Variants in KRT39 observed in about 807,000 individuals in gnomAD.
KRT39 encodes the protein keratin 39.
KRT39 carries 47 observed loss-of-function variants against 54.8 expected under a neutral mutation model. That is an observed-to-expected ratio of 0.86 (90% CI 0.68 to 1.09). KRT39 has a LOEUF of 1.09. Ranked by LOEUF, KRT39 falls within the 50% of genes least tolerant of loss-of-function variation. The probability of loss-of-function intolerance (pLI) is 0.00; values close to 1 mark genes in which losing one functional copy is unlikely to be tolerated. For missense variants in KRT39, 580 were observed against 598.5 expected (o/e 0.97, Z 0.32); for synonymous variants, 207 against 227.9 (o/e 0.91, Z 0.83).
In KRT39 at chr17:40,960,454, C is replaced by T. The variant is rs770358715; in HGVS notation, c.1044G>A (p.Thr348=). The T allele has an allele frequency of 9.3e-6, 15 of 1,613,862 alleles. No homozygotes were observed. Among genetic ancestry groups the T allele is most frequent in the Admixed American group, 3.3e-5 (2 of 59,986 alleles). Residue 348 remains threonine (T), a synonymous_variant, in exon 6 of 7, where the codon ACG becomes ACA. Transcript: ENST00000355612. The part of the protein sequence containing the change: ...CILTETEARY[T]ALLTQIQSLI... The stretch of plus-strand genomic sequence containing the variant: ...GACTCTGGATCTGGGTCAGCAAGGC[C>T]GTGTAGCGAGCCTCTGTCTCCGTTA...
At position 40,963,731 on chromosome 17, in the gene KRT39, G is replaced by T; in HGVS notation, c.604C>A (p.Leu202Ile). The change falls in exon 3 of 7, where the codon CTC (leucine) becomes ATC (isoleucine). Residue 202 changes from leucine (L) to isoleucine (I), a missense_variant. Leu to Ile is a conservative substitution (Grantham distance 5, BLOSUM62 2). Coordinates refer to ENST00000355612, the MANE Select transcript of KRT39 (RefSeq NM_213656.4). ...RQLVESDANG[L>I]KQILNVLTLG... Reference sequence around the variant, plus strand: ...GTCAGCACATTCAGGATCTGCTTGAGGCCATTGGCATCTGACTCTACCAGC... The same window carrying T: ...GTCAGCACATTCAGGATCTGCTTGATGCCATTGGCATCTGACTCTACCAGC... 1 of 1,608,706 alleles carries T rather than the reference G, an allele frequency of 6.2e-7. No homozygotes were observed. Among genetic ancestry groups the T allele is most frequent in the Non-Finnish European group, 8.5e-7 (1 of 1,175,746 alleles).
At position 40,958,592 on chromosome 17, in the gene KRT39, C is replaced by G. The variant is rs779800523; in HGVS notation, c.*9G>C. The G allele has an allele frequency of 6.3e-7, 1 of 1,596,532 alleles. No individual in the cohort carries two copies. The highest frequency in any genetic ancestry group is 1.2e-5 in the South Asian group (1 of 86,854). ...CATAAATGTGGGTCATTTTCATCAC[C>G]TTGGGATGTTAGACTTTGGCAGGTC... On this transcript the variant is annotated 3_prime_UTR_variant, in exon 7 of 7. Transcript: ENST00000355612.
chr17:40,962,103 C>T lies in KRT39; in HGVS notation c.996+59G>A, dbSNP rs1911173273. ...ACAGTTTGGGAAATACTGCAGCACA[C>T]AGGTGTAAGGGACTGTTTCCATCTT... On this transcript the variant is annotated intron_variant, in intron 5 of 6. Coordinates refer to ENST00000355612, the MANE Select transcript of KRT39 (RefSeq NM_213656.4). The T allele has an allele frequency of 7.0e-6, 11 of 1,577,004 alleles. No homozygotes were observed. The Admixed American group carries it at 7.2e-5, about 10-fold the overall frequency.
chr17:40,964,539 G>C lies in KRT39; in HGVS notation c.469-11C>G, dbSNP rs199538317. ...CTTGGTACACAAGATCTAGAATTAAGAGATTGTACACACAAATGAAGCAAA... is the reference window on the plus strand; with the variant it reads ...CTTGGTACACAAGATCTAGAATTAACAGATTGTACACACAAATGAAGCAAA... On this transcript the variant is annotated splice_polypyrimidine_tract_variant and intron_variant, in intron 1 of 6. Coordinates refer to ENST00000355612, the MANE Select transcript of KRT39 (RefSeq NM_213656.4). 2 of 1,577,358 alleles carry C rather than the reference G, an allele frequency of 1.3e-6. No homozygotes were observed. Among genetic ancestry groups the C allele is most frequent in the East Asian group, 4.5e-5 (2 of 44,716 alleles).
intron 2 of KRT39, chr17:40,963,987 A>G (rs562944130): frequency 9.7e-5 from 44 of 454,172 alleles, no homozygotes; most frequent in African/African-American, 7.9e-4. Context: ...GGGGATCTAC[A>G]TTGCTGTTCT....
intron 1 of KRT39, among the ~76,000 whole-genome samples, chr17:40,964,752 T>C (rs1911297172): frequency 7.2e-6 from 1 of 137,986 alleles, no homozygotes; most frequent in Admixed American, 6.9e-5. Context: ...CTTTTAAGTA[T>C]TTTTTTTGTT....
chr17:40,962,711 A>T (rs775007221), intron 3 of KRT39, 148 bp from the exon 4 acceptor site: 8 of 663,754 alleles, frequency 1.2e-5, no homozygotes, highest in African/African-American at 1.8e-5. Context: ...TGTTATTGAG[A>T]TGCTATAAAA....
intron 5 of KRT39, among the ~76,000 whole-genome samples, 186 bp downstream of exon 5, chr17:40,961,976 T>C (rs747297488): frequency 5.9e-5 from 9 of 152,246 alleles, no homozygotes; most frequent in Non-Finnish European, 1.0e-4. Context: ...GGCACCCTGT[T>C]TAACCTTGGT....
chr17:40,966,513 C>G lies in KRT39; in HGVS notation c.344G>C (p.Arg115Pro). ...ERLANYLQKV[R>P]MLERENAELE... ...TTCAGCATTCTCTCGTTCTAGCATT[C>G]GCACCTTTTGCAGGTAGTTAGCAAG... Residue 115 changes from arginine to proline, a missense_variant, in exon 1 of 7, where the codon CGA becomes CCA. Coordinates refer to ENST00000355612, the MANE Select transcript of KRT39 (RefSeq NM_213656.4). 6.2e-7 allele frequency: 1 copy of G among 1,614,110 alleles called. No individual in the cohort carries two copies. Among genetic ancestry groups the G allele is most frequent in the Non-Finnish European group, 8.5e-7 (1 of 1,180,000 alleles).
intron 1 of KRT39, among the ~76,000 whole-genome samples, chr17:40,965,736 A>G (rs1353714690): frequency 2.0e-5 from 3 of 152,246 alleles, no homozygotes; most frequent in Non-Finnish European, 4.4e-5. Context: ...GAAACTCATT[A>G]AAGCAAAATT....
In KRT39 at chr17:40,962,166, C is replaced by G. The variant is rs555391844; in HGVS notation, c.992G>C (p.Arg331Pro). ...CTTGGTCAGCTTGCTCAGTACCATT[C>G]GATGCTGGGCCTGCAGTTCAACCTC... is the stretch of plus-strand genomic sequence containing the variant. ...TLEVELQAQH[R>P]MRDSQECILT... The change falls in exon 5 of 7, where the codon CGA becomes CCA. Residue 331 changes from arginine to proline, a missense_variant. Transcript: ENST00000355612. 8 of 1,613,964 alleles carry G rather than the reference C, an allele frequency of 5.0e-6. No individual in the cohort carries two copies. The African/African-American group carries it at 6.7e-5, about 13-fold the overall frequency.
chr17:40,964,096 G>T, intron 2 of KRT39: 1 of 415,746 alleles, frequency 2.4e-6, no homozygotes, highest in Non-Finnish European at 4.3e-6. Flanking sequence ...ATGTGTCCAA[G>T]TTTCGGTTTT....
rs1230005238 is a variant in KRT39 at position 40,962,274 on chromosome 17, T to C, written c.884A>G (p.Asn295Ser). The stretch of plus-strand genomic sequence containing the variant: ...TTGAGAGCTGGTCACCACTTGTTGA[T>C]TCAGCTCCTCTATCTGAAACACACA... ...QWFNTQIEEL[N>S]QQVVTSSQQQ... The change falls in exon 5 of 7, where the codon AAT (asparagine) becomes AGT (serine). Residue 295 changes from asparagine to serine, a missense_variant. Coordinates refer to ENST00000355612, the MANE Select transcript of KRT39 (RefSeq NM_213656.4). 1 of 1,614,238 alleles carries C rather than the reference T, an allele frequency of 6.2e-7. No individual in the cohort carries two copies. The highest frequency in any genetic ancestry group is 1.1e-5 in the South Asian group (1 of 91,092).
intron 1 of KRT39, 121 bp from the exon 2 acceptor site, chr17:40,964,649 T>A (rs923828752): frequency 5.9e-6 from 4 of 679,294 alleles, no homozygotes; most frequent in South Asian, 1.8e-5. Context: ...TTTATTAATC[T>A]TCATAGCTAT....
chr17:40,965,291 G>A (rs1160670439), intron 1 of KRT39, among the ~76,000 whole-genome samples: 7 of 152,004 alleles, frequency 4.6e-5, no homozygotes, highest in African/African-American at 1.4e-4. Context: ...AGGGAGAATC[G>A]CTTGAACCTG....
chr17:40,961,362 G>T (rs926009536), intron 5 of KRT39, among the ~76,000 whole-genome samples: 4 of 152,152 alleles, frequency 2.6e-5, no homozygotes, highest in African/African-American at 7.2e-5. Context: ...TTATTTGCAT[G>T]ATTATCCCAA....
chr17:40,965,514 C>T (rs1178643241), intron 1 of KRT39, among the ~76,000 whole-genome samples: 1 of 152,196 alleles, frequency 6.6e-6, no homozygotes, highest in Non-Finnish European at 1.5e-5. Context: ...GAATCTAGAA[C>T]AATGTTTGGC....
chr17:40,964,305 G>A (rs1402726020), intron 2 of KRT39, 141 bp downstream of exon 2: 1 of 712,728 alleles, frequency 1.4e-6, no homozygotes, highest in African/African-American at 1.8e-5. Flanking sequence ...ATCATTCATT[G>A]AATTTGAAAG....
intron 5 of KRT39, among the ~76,000 whole-genome samples, chr17:40,961,804 C>T (rs2143615453): frequency 6.6e-6 from 1 of 152,258 alleles, no homozygotes; most frequent in African/African-American, 2.4e-5. Context: ...AAAATGCTCT[C>T]CCAGTGTTTC....
Sources: allele counts gnomAD v4.1 joint callset (sites outside exome capture counted in the v4.1 genomes callset), GRCh38; gene constraint gnomAD v4.1.1; transcripts MANE v1.5; gene names NCBI Gene and HGNC (gene_info 2026-07-23, HGNC 2026-07-21).